PAK4: variants seen among roughly 807,000 people sequenced by gnomAD.
PAK4 encodes the protein p21 (RAC1) activated kinase 4, also known as serine/threonine-protein kinase PAK 4.
Under a neutral mutation model 53.5 loss-of-function variants are expected in PAK4, and 49 were observed. The ratio of observed to expected loss-of-function variants is 0.92; its 90% CI spans 0.73 to 1.16. The LOEUF (loss-of-function observed/expected upper bound fraction) is 1.16, where lower values mean the gene tolerates loss of function less well. Ranked by LOEUF, PAK4 falls within the 50% of genes most tolerant of loss-of-function variation. PAK4 has a pLI of 0.00. For synonymous variants in PAK4, 376 were observed against 375.6 expected, an observed-to-expected ratio of 1.00 and a Z score of -0.01; for missense variants, 824 against 850.7, an observed-to-expected ratio of 0.97 and a Z score of 0.39.
rs1182743376 is a variant in PAK4, at chr19:39,175,926, C to A, written c.1359+488C>A. On this transcript the variant is annotated intron_variant, in intron 6 of 8. Coordinates refer to ENST00000358301, the Ensembl canonical transcript of PAK4. This position sits in a 1 kb window ranked among gnomAD's most constrained non-coding sequence, Gnocchi z 4.7. ...AAGTGGATGACTCCATCCCCTCCCC[C>A]AAGGAAGATTAAGCCACACCATTAG... Among the ~76,000 whole-genome samples the A allele has an allele frequency of 6.6e-6, 1 of 152,198 alleles. No individual in the cohort carries two copies. Among genetic ancestry groups the A allele is most frequent in the Non-Finnish European group, 1.5e-5 (1 of 68,038 alleles).
At chr19:39,146,294 C>T (rs1337102723) in intron 1 of PAK4, among the ~76,000 whole-genome samples, 1 of 152,100 alleles carries the variant, frequency 6.6e-6, no homozygotes, top group Non-Finnish European at 1.5e-5. Flanking sequence ...TGGGAGAAGA[C>T]CCAGAGGACT....
rs537505077 is a variant in PAK4, at chr19:39,154,925, CAG to C, written c.-22-14606_-22-14605del. 3.4e-3 allele frequency among the ~76,000 whole-genome samples: 519 copies of C among 152,314 alleles called. 3 individuals are homozygous for C. Among genetic ancestry groups the C allele is most frequent in the Middle Eastern group, 0.02 (6 of 294 alleles). On this transcript the variant is annotated intron_variant, in intron 1 of 8. Coordinates refer to ENST00000358301, the Ensembl canonical transcript of PAK4. Reference sequence around the variant, plus strand: ...TCCTTGGACTTCCTCCTCACTGTGACAGGGGGTGGACAGAGGTGGGGATGGGA... The same window carrying C: ...TCCTTGGACTTCCTCCTCACTGTGACGGGGTGGACAGAGGTGGGGATGGGA...
rs559285454 is a variant in PAK4, at chr19:39,147,322, C to T, written c.-23+21403C>T. Among the ~76,000 whole-genome samples, 11 of 152,284 alleles carry T rather than the reference C, an allele frequency of 7.2e-5. No individual in the cohort carries two copies. In the South Asian group the frequency reaches 1.5e-3, roughly 20 times the overall value. ...CAGCATGATTCTCTGGAGGTGCATC[C>T]GCATTGTGGTGCTGATAGTGACTAC... On this transcript the variant is annotated intron_variant, in intron 1 of 8. Transcript: ENST00000358301.
intron 1 of PAK4, among the ~76,000 whole-genome samples, chr19:39,146,996 A>G (rs557083908): frequency 5.3e-5 from 8 of 152,162 alleles, no homozygotes; most frequent in East Asian, 3.9e-4. Flanking sequence ...GTTTTCCCCA[A>G]TGGTAACACC....
At chr19:39,144,789 T>G (rs1157811333) in intron 1 of PAK4, among the ~76,000 whole-genome samples, 1 of 152,116 alleles carries the variant, frequency 6.6e-6, no homozygotes, top group East Asian at 1.9e-4. Context: ...AGTGTGTGTG[T>G]GTGTGCACTT....
At position 39,178,125 on chromosome 19, in the gene PAK4, G is replaced by A. The variant is rs372701750; in HGVS notation, c.1621-299G>A. Among the ~76,000 whole-genome samples the A allele has an allele frequency of 2.0e-3, 304 of 152,262 alleles. No homozygotes were observed. Among genetic ancestry groups the A allele is most frequent in the African/African-American group, 6.1e-3 (254 of 41,546 alleles). On this transcript the variant is annotated intron_variant, in intron 8 of 8. Transcript: ENST00000358301. This position sits in a 1 kb window ranked among gnomAD's most constrained non-coding sequence, Gnocchi z 4.4. ...TCCTAGTGGAGGACTTGCCAGGAGG[G>A]AAAGGGGCACCTCTGGGCCCCAGTT...
intron 1 of PAK4, among the ~76,000 whole-genome samples, chr19:39,141,446 G>C (rs573101270): frequency 4.6e-5 from 7 of 151,094 alleles, no homozygotes; most frequent in Non-Finnish European, 8.8e-5. Flanking sequence ...CTCCCGAGTA[G>C]CTGGGACTAC....
intron 1 of PAK4, among the ~76,000 whole-genome samples, chr19:39,145,256 G>C (rs2073980830): frequency 6.6e-6 from 1 of 152,034 alleles, no homozygotes; most frequent in Non-Finnish European, 1.5e-5. Flanking sequence ...AGGGCCCCAG[G>C]CGTCGCTGGC....
chr19:39,126,933 G>A (rs2073595375), intron 1 of PAK4, among the ~76,000 whole-genome samples: 1 of 152,168 alleles, frequency 6.6e-6, no homozygotes, highest in African/African-American at 2.4e-5. Context: ...GTGATTCCAG[G>A]GCTCCTGCCC....
chr19:39,142,162 G>T (rs1220045430), intron 1 of PAK4, among the ~76,000 whole-genome samples: 1 of 152,154 alleles, frequency 6.6e-6, no homozygotes, highest in East Asian at 1.9e-4. Context: ...GCTCTTTGGC[G>T]TGCATGTTGT....
Position 39,174,024 on chromosome 19 carries a change from T to TGCCCTGCCGCCCTGCC in PAK4, c.1098+29_1098+30insCGCCCTGCCGCCCTGC, listed in dbSNP as rs199570847. The TGCCCTGCCGCCCTGCC allele has an allele frequency of 6.5e-7, 1 of 1,527,150 alleles. No individual in the cohort carries two copies. The highest frequency in any genetic ancestry group is 1.9e-5 in the Admixed American group (1 of 52,968). The allele number at this position is 1,527,150 out of a possible 1,614,324, so 94.6% of individuals were successfully genotyped here. ...CTCTTCAACGAGGTGCGGGCGCTGC[T>TGCCCTGCCGCCCTGCC]GCCCTGCCGCCCTGCTGGTCCTCCC... On this transcript the variant is annotated intron_variant, in intron 4 of 8. Transcript: ENST00000358301.
downstream of PAK4, chr19:39,181,622 C>T (rs936054195): frequency 2.0e-5 from 3 of 152,410 alleles, no homozygotes; most frequent in Non-Finnish European, 4.4e-5. Flanking sequence ...CTGGCAGACC[C>T]TTCCTGACCC....
rs199572591 is a variant in PAK4 at position 39,178,419 on chromosome 19, G to T, written c.1621-5G>T. ...GCCCCCTGACCCTCCCCTCCTTCTC[G>T]ACAGGTGTCGCCATCCCTGAAGGGC... On this transcript the variant is annotated splice_polypyrimidine_tract_variant and splice_region_variant and intron_variant, in intron 8 of 8. Coordinates refer to ENST00000358301, the Ensembl canonical transcript of PAK4. This position sits in a 1 kb window ranked among gnomAD's most constrained non-coding sequence, Gnocchi z 4.4. 7.0e-6 allele frequency: 11 copies of T among 1,579,540 alleles called. No individual in the cohort carries two copies. The highest frequency in any genetic ancestry group is 9.5e-6 in the Non-Finnish European group (11 of 1,163,678).
At chr19:39,137,528 C>T (rs692095) in intron 1 of PAK4, among the ~76,000 whole-genome samples, 4,256 of 152,236 alleles carry the variant, frequency 0.028, 219 homozygotes, top group African/African-American at 0.097. Flanking sequence ...CTAAGTCCTT[C>T]GCCCATTTTG....
chr19:39,175,193 C>T lies in PAK4; in HGVS notation c.1233-119C>T. The stretch of plus-strand genomic sequence containing the variant: ...GATGGGGTCGTGTCTTCCATTCCTC[C>T]CACTCCAGAGTGGGGTCGAGTGGTC... On this transcript the variant is annotated intron_variant, in intron 5 of 8. Transcript: ENST00000358301. The surrounding 1 kb of genome is among the most constrained non-coding windows in gnomAD (Gnocchi z 4.7). The T allele has an allele frequency of 1.4e-6, 2 of 1,480,712 alleles. No homozygotes were observed. The highest frequency in any genetic ancestry group is 2.5e-5 in the South Asian group (2 of 78,732). The allele number at this position is 1,480,712 out of a possible 1,614,324, so 91.7% of individuals were successfully genotyped here.
exon 2 of PAK4, chr19:39,169,589 C>T (rs370966374): frequency 8.1e-6 from 13 of 1,610,434 alleles, no homozygotes; most frequent in Admixed American, 6.7e-5. Flanking sequence ...TGGAGATCTC[C>T]GCGCCGTCCA....
At chr19:39,149,987 A>G (rs2074066776) in intron 1 of PAK4, among the ~76,000 whole-genome samples, 1 of 152,156 alleles carries the variant, frequency 6.6e-6, no homozygotes, top group Non-Finnish European at 1.5e-5. Flanking sequence ...GGAATGATAA[A>G]CATGTTTGAA....
intron 1 of PAK4, among the ~76,000 whole-genome samples, chr19:39,144,664 T>G (rs1228628370): frequency 2.0e-5 from 3 of 152,212 alleles, no homozygotes; most frequent in Non-Finnish European, 2.9e-5. Flanking sequence ...AGGGGCCGGC[T>G]GCTTCCCGGC....
chr19:39,144,530 G>A (rs1409742569), intron 1 of PAK4, among the ~76,000 whole-genome samples: 2 of 152,224 alleles, frequency 1.3e-5, no homozygotes, highest in African/African-American at 2.4e-5. Flanking sequence ...CCCAGGGCAG[G>A]GACTTGTTGA....
Sources: gnomAD v4.1 joint callset for allele counts (sites outside exome capture counted in the v4.1 genomes callset) on GRCh38, gnomAD v4.1.1 for gene constraint, Gnocchi (gnomAD v3.1) non-coding constraint, MANE v1.5 for transcripts, NCBI Gene and HGNC (gene_info 2026-07-23, HGNC 2026-07-21) for gene names.